Variants in RAB4A observed in about 807,000 individuals in gnomAD.
RAB4A encodes the protein ras-related protein Rab-4A.
RAB4A carries 20 observed loss-of-function variants against 34.5 expected under a neutral mutation model. The observed-to-expected ratio is 0.58, with a 90% CI of 0.41 to 0.84. The LOEUF is 0.84. Ranked by LOEUF, RAB4A falls within the 40% of genes least tolerant of loss-of-function variation. The pLI, the probability that RAB4A is intolerant of heterozygous loss-of-function variation, is 0.00. For missense variants in RAB4A, 228 were observed against 274.5 expected (o/e 0.83, Z 1.20); for synonymous variants, 102 against 100.0 (o/e 1.02, Z -0.12).
At chr1:229,291,062 A>G (rs1025070485) in intron 3 of RAB4A, among the ~76,000 whole-genome samples, 2 of 152,230 alleles carry the variant, frequency 1.3e-5, no homozygotes, top group Non-Finnish European at 2.9e-5. Context: ...GCAGCCACAT[A>G]TAAAGTGTGA....
intron 2 of RAB4A, among the ~76,000 whole-genome samples, chr1:229,287,385 G>T (rs1466754839): frequency 2.0e-5 from 3 of 152,174 alleles, no homozygotes; most frequent in Non-Finnish European, 4.4e-5. Flanking sequence ...GAGCCTGTTT[G>T]TTTAGTGACA....
intron 1 of RAB4A, among the ~76,000 whole-genome samples, chr1:229,286,037 C>T (rs1305358268): frequency 6.6e-6 from 1 of 152,204 alleles, no homozygotes; most frequent in African/African-American, 2.4e-5. Flanking sequence ...GCAGACAAAA[C>T]TTATTTTTTT....
intron 6 of RAB4A, among the ~76,000 whole-genome samples, chr1:229,301,392 C>T (rs2102856168): frequency 6.6e-6 from 1 of 151,518 alleles, no homozygotes; most frequent in East Asian, 1.9e-4. Context: ...TGGGTTTCAA[C>T]AGAAGTGGAC....
chr1:229,302,290 TATATA>T lies in RAB4A; in HGVS notation c.542-571_542-567del, dbSNP rs1558242349. Among the ~76,000 whole-genome samples, 75 of 24,544 alleles carry T rather than the reference TATATA, an allele frequency of 3.1e-3. 1 individual carries two copies. Among genetic ancestry groups the T allele is most frequent in the African/African-American group, 0.012 (67 of 5,476 alleles). The allele number at this position is 24,544 out of a possible 152,430, so 16.1% of individuals were successfully genotyped here. A position where few individuals can be genotyped will look rare whatever the true frequency, so the allele number is the denominator to read the frequency against. ...ATATATATATATATATATATATATATATATATATATATATATATATTTTTTTTTTT... is the reference window on the plus strand; with the variant it reads ...ATATATATATATATATATATATATATTATATATATATATATTTTTTTTTTT... On this transcript the variant is annotated intron_variant, in intron 6 of 7. Transcript: ENST00000366690.
At chr1:229,291,651 C>A (rs1423962722) in intron 3 of RAB4A, among the ~76,000 whole-genome samples, 1 of 152,128 alleles carries the variant, frequency 6.6e-6, no homozygotes, top group Admixed American at 6.5e-5. Context: ...CACACAGGGG[C>A]GCAGTATGTG....
At chr1:229,293,835 G>A (rs905801300) in intron 3 of RAB4A, among the ~76,000 whole-genome samples, 16 of 152,228 alleles carry the variant, frequency 1.1e-4, no homozygotes, top group African/African-American at 3.9e-4. Context: ...AGCCAGCGGT[G>A]TGACGAGCCC....
At chr1:229,280,394 T>TA (rs1171914599) in intron 1 of RAB4A, among the ~76,000 whole-genome samples, 5 of 152,226 alleles carry the variant, frequency 3.3e-5, no homozygotes, top group African/African-American at 1.2e-4. Flanking sequence ...GTTATCTAAA[T>TA]ACATGTATCA....
intron 6 of RAB4A, among the ~76,000 whole-genome samples, chr1:229,302,309 A>ATTTTT (rs869095524): frequency 1.9e-4 from 7 of 35,902 alleles, no homozygotes; most frequent in African/African-American, 4.1e-4. Context: ...ATATATATAT[A>ATTTTT]TTTTTTTTTT....
At chr1:229,279,840 T>C (rs1571823020) in intron 1 of RAB4A, among the ~76,000 whole-genome samples, 1 of 151,882 alleles carries the variant, frequency 6.6e-6, no homozygotes, top group African/African-American at 2.4e-5. Flanking sequence ...TGAATATAAT[T>C]ATAAACTGAG....
chr1:229,288,924 T>C (rs1461586669), intron 3 of RAB4A, 81 bp downstream of exon 3: 4 of 846,998 alleles, frequency 4.7e-6, no homozygotes, highest in Non-Finnish European at 7.6e-6. Context: ...ATATAAGGTC[T>C]CACTCCCTCC....
In RAB4A at chr1:229,305,121, A is replaced by G; in HGVS notation, c.*1328A>G. On this transcript the variant is annotated 3_prime_UTR_variant, in exon 8 of 8. Transcript: ENST00000366690. ...TAATCAGCAGAGCACAGAGACACAT[A>G]AAAACTCTGGGAAATGACTAGGATA... 2 of 1,574,942 alleles carry G rather than the reference A, an allele frequency of 1.3e-6. No individual in the cohort carries two copies. Among genetic ancestry groups the G allele is most frequent in the Non-Finnish European group, 1.7e-6 (2 of 1,162,554 alleles).
At chr1:229,303,109 A>C in intron 7 of RAB4A, 120 bp downstream of exon 7, 1 of 688,118 alleles carries the variant, frequency 1.5e-6, no homozygotes, top group Non-Finnish European at 2.4e-6. Flanking sequence ...AGTGGCTCTA[A>C]TTCCAGCACT....
At chr1:229,279,931 A>G (rs1656741261) in intron 1 of RAB4A, among the ~76,000 whole-genome samples, 1 of 152,250 alleles carries the variant, frequency 6.6e-6, no homozygotes, top group Admixed American at 6.5e-5. Flanking sequence ...AGTGGGCACA[A>G]TTATTTAACC....
chr1:229,296,742 G>A (rs1380221966), intron 4 of RAB4A, among the ~76,000 whole-genome samples: 1 of 152,182 alleles, frequency 6.6e-6, no homozygotes, highest in Non-Finnish European at 1.5e-5. Context: ...CTGTGTCCCG[G>A]GAGCCAGGCG....
At chr1:229,280,900 T>G (rs182990974) in intron 1 of RAB4A, among the ~76,000 whole-genome samples, 1 of 152,352 alleles carries the variant, frequency 6.6e-6, no homozygotes, top group African/African-American at 2.4e-5. Flanking sequence ...TCGGATTGAC[T>G]TTTTCACTCA....
intron 3 of RAB4A, among the ~76,000 whole-genome samples, chr1:229,293,051 A>G: frequency 6.6e-6 from 1 of 152,136 alleles, no homozygotes; most frequent in Non-Finnish European, 1.5e-5. Context: ...CAGGTTGGAG[A>G]ATTTGTTAGA....
intron 1 of RAB4A, among the ~76,000 whole-genome samples, chr1:229,283,416 A>G (rs1169533525): frequency 6.6e-6 from 1 of 152,208 alleles, no homozygotes; most frequent in African/African-American, 2.4e-5. Context: ...TGGCATGGGT[A>G]CAGGTTGGAC....
chr1:229,301,106 T>A (rs1453291643), intron 6 of RAB4A, among the ~76,000 whole-genome samples: 1 of 152,132 alleles, frequency 6.6e-6, no homozygotes, highest in East Asian at 1.9e-4. Context: ...AAGAACAATT[T>A]CAGCAGAATT....
chr1:229,305,317 T>G lies in RAB4A; in HGVS notation c.*1524T>G. 2 of 1,578,088 alleles carry G rather than the reference T, an allele frequency of 1.3e-6. No homozygotes were observed. Among genetic ancestry groups the G allele is most frequent in the Non-Finnish European group, 1.7e-6 (2 of 1,165,494 alleles). Reference sequence around the variant, plus strand: ...CATTTATGATAGATTTGCAAGCTGCTCATTTTTGAACAGCTTTTTGCATGG... The same window carrying G: ...CATTTATGATAGATTTGCAAGCTGCGCATTTTTGAACAGCTTTTTGCATGG... On this transcript the variant is annotated 3_prime_UTR_variant, in exon 8 of 8. Coordinates refer to ENST00000366690, the MANE Select transcript of RAB4A (RefSeq NM_004578.4).
Sources: gnomAD v4.1 joint callset for allele counts (sites outside exome capture counted in the v4.1 genomes callset) on GRCh38, gnomAD v4.1.1 for gene constraint, MANE v1.5 for transcripts, NCBI Gene and HGNC (gene_info 2026-07-23, HGNC 2026-07-21) for gene names.